Variants in DMD observed in about 807,000 individuals in gnomAD.
The protein encoded by DMD is mutant dystrophin.
Under a neutral mutation model 330.1 loss-of-function variants are expected in DMD, and 63 were observed. The ratio of observed to expected loss-of-function variants is 0.19; its 90% CI spans 0.16 to 0.24. The LOEUF (loss-of-function observed/expected upper bound fraction) is 0.24, where lower values mean the gene tolerates loss of function less well. Among genes scored for constraint, DMD ranks in the 10% least tolerant of loss-of-function variants. The pLI is 1.00. For synonymous variants in DMD, 1,223 were observed against 959.8 expected, an observed-to-expected ratio of 1.27 and a Z score of -5.07; for missense variants, 3,344 against 2,684.1, an observed-to-expected ratio of 1.25 and a Z score of -5.43.
chrX:33,102,842 C>A (rs2095252284), intron 1 of DMD, among the ~76,000 whole-genome samples: 1 of 112,135 alleles, frequency 8.9e-6, no homozygotes. Flanking sequence ...TAAGTGAACG[C>A]TTTTCATTGG....
chrX:32,044,231 C>T (rs1051307949), intron 44 of DMD, among the ~76,000 whole-genome samples: 1 of 110,748 alleles, frequency 9.0e-6, no homozygotes, highest in Non-Finnish European at 1.9e-5. Context: ...GGCTATTACA[C>T]ACACCAAACA....
intron 42 of DMD, among the ~76,000 whole-genome samples, chrX:32,303,161 T>C (rs2097529284): frequency 9.0e-6 from 1 of 111,685 alleles, no homozygotes; most frequent in Admixed American, 9.5e-5. Context: ...AGAATGCACA[T>C]GTCTAGATGA....
intron 41 of DMD, among the ~76,000 whole-genome samples, chrX:32,333,577 T>G (rs1466763280): frequency 9.0e-6 from 1 of 111,534 alleles, no homozygotes; most frequent in Non-Finnish European, 1.9e-5. Flanking sequence ...TATATTTCTT[T>G]TTTTTAATAA....
chrX:33,031,257 C>G (rs1260812844), intron 1 of DMD, among the ~76,000 whole-genome samples: 1 of 102,763 alleles, frequency 9.7e-6, no homozygotes, highest in Non-Finnish European at 2.0e-5. Context: ...CTCCCAGGGG[C>G]AACCCTCAAT....
At chrX:32,193,819 C>T (rs183632086) in intron 44 of DMD, among the ~76,000 whole-genome samples, 1 of 111,311 alleles carries the variant, frequency 9.0e-6, no homozygotes, top group African/African-American at 3.3e-5. Flanking sequence ...AATACCTTTG[C>T]GTTGTGAGTC....
intron 55 of DMD, among the ~76,000 whole-genome samples, chrX:31,626,863 A>G (rs779416532): frequency 2.7e-5 from 3 of 112,083 alleles, no homozygotes; most frequent in Non-Finnish European, 5.6e-5. Context: ...AAAATCAATC[A>G]TCTTATTATA....
At chrX:32,389,390 T>C (rs755825148) in intron 32 of DMD, 111 bp downstream of exon 32, 11 of 859,155 alleles carry the variant, frequency 1.3e-5, no homozygotes, top group Non-Finnish European at 1.7e-5. Context: ...TAAAATTACA[T>C]AGTATAATTA....
intron 74 of DMD, among the ~76,000 whole-genome samples, chrX:31,161,651 T>C (rs2038821430): frequency 9.0e-6 from 1 of 111,401 alleles, no homozygotes; most frequent in African/African-American, 3.3e-5. Context: ...TTCTAATTTC[T>C]CCATCCCCTT....
intron 1 of DMD, among the ~76,000 whole-genome samples, chrX:33,292,069 C>T (rs937541416): frequency 2.7e-5 from 3 of 111,329 alleles, no homozygotes; most frequent in Non-Finnish European, 5.7e-5. Context: ...GTAATTACCA[C>T]GGTGGGTTTG....
chrX:32,940,490 G>T (rs910323158), intron 2 of DMD, among the ~76,000 whole-genome samples: 1 of 111,286 alleles, frequency 9.0e-6, no homozygotes, highest in Non-Finnish European at 1.9e-5. Context: ...GAACAAAGTA[G>T]AGAACCCAGA....
chrX:32,780,801 G>A (rs2074645345), intron 7 of DMD, among the ~76,000 whole-genome samples: 1 of 110,175 alleles, frequency 9.1e-6, no homozygotes, highest in Non-Finnish European at 1.9e-5. Flanking sequence ...TAAAAGCCGT[G>A]TCTTCAAGAA....
At chrX:32,454,108 C>CCATACTA (rs1454319765) in intron 26 of DMD, among the ~76,000 whole-genome samples, 2 of 110,822 alleles carry the variant, frequency 1.8e-5, no homozygotes, top group African/African-American at 6.5e-5. Context: ...ACCTCCAAAT[C>CCATACTA]CATACTACAT....
chrX:33,295,812 C>T (rs888232142), intron 1 of DMD, among the ~76,000 whole-genome samples: 1 of 110,916 alleles, frequency 9.0e-6, no homozygotes, highest in African/African-American at 3.3e-5. Flanking sequence ...TGACTACTCC[C>T]TATCAGTTTC....
intron 61 of DMD, among the ~76,000 whole-genome samples, chrX:31,329,103 T>C (rs1416616491): frequency 8.9e-6 from 1 of 112,582 alleles, no homozygotes; most frequent in East Asian, 2.8e-4. Context: ...CTATATTTTA[T>C]GCAGTGAAAA....
At chrX:33,049,671 A>G (rs932725397) in intron 1 of DMD, among the ~76,000 whole-genome samples, 2 of 111,075 alleles carry the variant, frequency 1.8e-5, no homozygotes, top group Admixed American at 9.7e-5. Flanking sequence ...CTTGGCCACT[A>G]TGGAATAGTA....
chrX:31,389,248 C>T lies in DMD; in HGVS notation c.9085-40614G>A, dbSNP rs189061126. Among the ~76,000 whole-genome samples, 559 of 112,273 alleles carry T rather than the reference C, an allele frequency of 5.0e-3. 2 individuals are homozygous for T. Among genetic ancestry groups the T allele is most frequent in the Middle Eastern group, 0.014 (3 of 217 alleles). On this transcript the variant is annotated intron_variant, in intron 60 of 78. Coordinates refer to ENST00000357033, the MANE Select transcript of DMD (RefSeq NM_004006.3). ...TATCCAACGTCATCAAATGATTTAA[C>T]AAGAGACTTTTAAACTTCTCAGAAT...
chrX:32,426,770 C>T (rs1438577326), intron 29 of DMD, among the ~76,000 whole-genome samples: 5 of 111,670 alleles, frequency 4.5e-5, no homozygotes, highest in African/African-American at 1.6e-4. Context: ...TGGAACACTA[C>T]GCAGCCACAA....
chrX:32,518,450 T>C (rs2046079726), intron 17 of DMD, among the ~76,000 whole-genome samples: 1 of 108,280 alleles, frequency 9.2e-6, no homozygotes, highest in Non-Finnish European at 1.9e-5. Context: ...CTTCCCACGA[T>C]AACCTTTTCT....
chrX:31,560,605 G>A (rs2075139319), intron 55 of DMD, among the ~76,000 whole-genome samples: 1 of 110,564 alleles, frequency 9.0e-6, no homozygotes, highest in African/African-American at 3.3e-5. Context: ...ATCTGTAAGG[G>A]TTCACCAATA....
Sources: gnomAD v4.1 joint callset for allele counts (sites outside exome capture counted in the v4.1 genomes callset) on GRCh38, gnomAD v4.1.1 for gene constraint, MANE v1.5 for transcripts, NCBI Gene and HGNC (gene_info 2026-07-23, HGNC 2026-07-21) for gene names.